Variants in GMDS observed in about 807,000 individuals in gnomAD.
GMDS encodes GDP-mannose 4,6 dehydratase.
A neutral mutation model predicts 49.9 loss-of-function variants in GMDS; 20 were observed. That is an observed-to-expected ratio of 0.40 (90% CI 0.28 to 0.58). The LOEUF (loss-of-function observed/expected upper bound fraction) is 0.58. Ranked by LOEUF, GMDS falls within the 20% of genes least tolerant of loss-of-function variation. GMDS has a pLI of 0.42. For synonymous variants in GMDS, 177 were observed against 178.6 expected, an observed-to-expected ratio of 0.99 and a Z score of 0.07; for missense variants, 362 against 481.4, an observed-to-expected ratio of 0.75 and a Z score of 2.32.
chr6:2,243,922 C>T (rs1415550448), intron 1 of GMDS, among the ~76,000 whole-genome samples: 2 of 126,930 alleles, frequency 1.6e-5, no homozygotes, highest in Non-Finnish European at 3.1e-5. Context: ...TACAGTGGTA[C>T]CATCATTGCT....
intron 9 of GMDS, among the ~76,000 whole-genome samples, chr6:1,674,560 C>CTTTTTTTT (rs869292549): frequency 6.8e-4 from 50 of 73,458 alleles, no homozygotes; most frequent in East Asian, 1.1e-3. Context: ...CTCTCTCTCT[C>CTTTTTTTT]TTTTTTTTTT....
At chr6:1,860,027 T>A (rs1158020600) in intron 7 of GMDS, among the ~76,000 whole-genome samples, 1 of 152,202 alleles carries the variant, frequency 6.6e-6, no homozygotes, top group Non-Finnish European at 1.5e-5. Context: ...CCCACTGGCC[T>A]TCTAGACTTC....
intron 9 of GMDS, among the ~76,000 whole-genome samples, chr6:1,680,188 TCAAAGACC>T (rs1482650420): frequency 6.6e-6 from 1 of 152,182 alleles, no homozygotes; most frequent in Non-Finnish European, 1.5e-5. Context: ...ATCCAGATAT[TCAAAGACC>T]GGGCCTCAGA....
At position 1,830,679 on chromosome 6, in the gene GMDS, G is replaced by A. The variant is rs935055752; in HGVS notation, c.772-88093C>T. Among the ~76,000 whole-genome samples the A allele has an allele frequency of 2.4e-4, 36 of 152,174 alleles. 1 individual carries two copies. The highest frequency in any genetic ancestry group is 1.4e-3 in the East Asian group (7 of 5,180). On this transcript the variant is annotated intron_variant, in intron 7 of 10. Coordinates refer to ENST00000380815, the MANE Select transcript of GMDS (RefSeq NM_001500.4). ...AGTTGCTTTTGCCTAGAATGTAAGC[G>A]AATGATAAACTATATCTGGCACCTG...
intron 1 of GMDS, among the ~76,000 whole-genome samples, chr6:2,204,555 G>T (rs981485689): frequency 2.6e-5 from 4 of 152,164 alleles, no homozygotes; most frequent in Non-Finnish European, 5.9e-5. Flanking sequence ...ACCACAAGTG[G>T]CTACTTAAAT....
At chr6:2,195,205 TTTC>T (rs1429157355) in intron 1 of GMDS, among the ~76,000 whole-genome samples, 2 of 152,220 alleles carry the variant, frequency 1.3e-5, no homozygotes, top group African/African-American at 4.8e-5. Context: ...TCTTTTCCTT[TTTC>T]TTCTTCTGTA....
At chr6:1,892,814 C>T (rs1759935720) in intron 7 of GMDS, among the ~76,000 whole-genome samples, 1 of 152,224 alleles carries the variant, frequency 6.6e-6, no homozygotes, top group Non-Finnish European at 1.5e-5. Context: ...ATGGAACAGC[C>T]AATGCCTTGG....
At chr6:1,721,465 C>T (rs1048439025) in intron 9 of GMDS, among the ~76,000 whole-genome samples, 3 of 151,798 alleles carry the variant, frequency 2.0e-5, no homozygotes, top group African/African-American at 7.3e-5. Context: ...TAAAGACAAA[C>T]AGTGTAGCAA....
chr6:1,678,211 T>C (rs910730617), intron 9 of GMDS, among the ~76,000 whole-genome samples: 1 of 152,190 alleles, frequency 6.6e-6, no homozygotes, highest in African/African-American at 2.4e-5. Context: ...CCTGTGCTTC[T>C]GGCAGGAGGA....
At chr6:1,854,469 G>C (rs1215423487) in intron 7 of GMDS, among the ~76,000 whole-genome samples, 1 of 152,206 alleles carries the variant, frequency 6.6e-6, no homozygotes, top group Non-Finnish European at 1.5e-5. Context: ...CCTTTTAGAA[G>C]AGTGGTTTCC....
In GMDS at chr6:1,623,979, G is replaced by C; in HGVS notation, c.*190C>G. On this transcript the variant is annotated 3_prime_UTR_variant, in exon 11 of 11. Transcript: ENST00000380815. The stretch of plus-strand genomic sequence containing the variant: ...CAAACGCAAAGCGACCCAAACCCTG[G>C]AGGGTCACATCCCGGCTGCTACAAA... The C allele has an allele frequency of 1.8e-6, 1 of 557,666 alleles. No individual in the cohort carries two copies. Among genetic ancestry groups the C allele is most frequent in the East Asian group, 2.9e-5 (1 of 33,938 alleles). 34.5% of individuals were successfully genotyped at this position (557,666 alleles called of 1,614,324 possible).
chr6:1,957,962 C>G (rs1384624921), intron 6 of GMDS, among the ~76,000 whole-genome samples: 4 of 151,956 alleles, frequency 2.6e-5, no homozygotes, highest in African/African-American at 9.7e-5. Context: ...ATGACCACAC[C>G]TGGCTGATTC....
chr6:1,686,297 C>A (rs1328171275), intron 9 of GMDS, among the ~76,000 whole-genome samples: 1 of 152,170 alleles, frequency 6.6e-6, no homozygotes, highest in Non-Finnish European at 1.5e-5. Flanking sequence ...AGGAATCCTG[C>A]CAAATATTTG....
rs571270665 is a variant in GMDS at position 1,668,725 on chromosome 6, CA to C, written c.988-44186del. On this transcript the variant is annotated intron_variant, in intron 9 of 10. Coordinates refer to ENST00000380815, the MANE Select transcript of GMDS (RefSeq NM_001500.4). ...CTGTCTAAACAAACAAACAAACAAA[CA>C]AAAAAAACCACTGGGAATAAAAAGG... is the stretch of plus-strand genomic sequence containing the variant. 9.0e-4 allele frequency among the ~76,000 whole-genome samples: 95 copies of C among 105,268 alleles called. No homozygotes were observed. The East Asian group carries it at 0.011, about 12-fold the overall frequency. The allele number at this position is 105,268 out of a possible 152,430, so 69.1% of individuals were successfully genotyped here. A position where few individuals can be genotyped will look rare whatever the true frequency, so the allele number is the denominator to read the frequency against.
At chr6:1,737,920 CAG>C (rs1394944099) in intron 8 of GMDS, among the ~76,000 whole-genome samples, 1 of 148,356 alleles carries the variant, frequency 6.7e-6, no homozygotes. Context: ...ACACCACACA[CAG>C]ATACATACAC....
chr6:2,067,699 C>A, intron 4 of GMDS, among the ~76,000 whole-genome samples: 2 of 152,132 alleles, frequency 1.3e-5, no homozygotes, highest in Non-Finnish European at 2.9e-5. Context: ...CATACACTCT[C>A]CCAAGACTAA....
intron 4 of GMDS, among the ~76,000 whole-genome samples, chr6:2,023,849 CT>C (rs1451969186): frequency 1.3e-5 from 2 of 152,008 alleles, no homozygotes; most frequent in African/African-American, 4.8e-5. Context: ...GGAAGAGAGG[CT>C]GAGATGCTCC....
chr6:1,838,492 CT>C (rs1198717764), intron 7 of GMDS, among the ~76,000 whole-genome samples: 1 of 152,170 alleles, frequency 6.6e-6, no homozygotes, highest in Non-Finnish European at 1.5e-5. Flanking sequence ...TCTATAAAGG[CT>C]TTGGCTGTTT....
chr6:2,075,040 T>G (rs1316057870), intron 4 of GMDS, among the ~76,000 whole-genome samples: 1 of 152,252 alleles, frequency 6.6e-6, no homozygotes, highest in Non-Finnish European at 1.5e-5. Context: ...TTTTGATTAC[T>G]ATAGTCTTGA....
Sources: allele counts gnomAD v4.1 joint callset (sites outside exome capture counted in the v4.1 genomes callset), GRCh38; gene constraint gnomAD v4.1.1; transcripts MANE v1.5; gene names NCBI Gene and HGNC (gene_info 2026-07-23, HGNC 2026-07-21).